The following KLHL12 variants were observed in gnomAD, a reference collection of about 807,000 sequenced individuals.
KLHL12 encodes kelch like family member 12, also known as kelch-like protein 12.
KLHL12 carries 17 observed loss-of-function variants against 60.8 expected under a neutral mutation model. The ratio of observed to expected loss-of-function variants is 0.28; its 90% CI spans 0.19 to 0.42. The LOEUF (loss-of-function observed/expected upper bound fraction) is 0.42, where lower values mean the gene tolerates loss of function less well. Ranked by LOEUF, KLHL12 falls within the 10% of genes least tolerant of loss-of-function variation. The pLI is 1.00. For missense variants in KLHL12, 468 were observed against 722.3 expected, an observed-to-expected ratio of 0.65 and a Z score of 4.04; for synonymous variants, 220 against 250.9, an observed-to-expected ratio of 0.88 and a Z score of 1.16.
rs1165536777 is a variant in KLHL12 at position 202,895,322 on chromosome 1, A to G, written c.1135+200T>C. On this transcript the variant is annotated intron_variant, in intron 8 of 11. Transcript: ENST00000367261. The surrounding 1 kb of genome is among the most constrained non-coding windows in gnomAD (Gnocchi z 4.2). ...GTGGGAGGATCGCTTGAGCTTGGGGAGGTTGAGGCTGCAGTGAGCCGTGAT... is the reference window on the plus strand; with the variant it reads ...GTGGGAGGATCGCTTGAGCTTGGGGGGGTTGAGGCTGCAGTGAGCCGTGAT... Among the ~76,000 whole-genome samples the G allele has an allele frequency of 1.3e-5, 2 of 151,974 alleles. No individual in the cohort carries two copies. Among genetic ancestry groups the G allele is most frequent in the Admixed American group, 1.3e-4 (2 of 15,258 alleles).
chr1:202,920,553 C>G (rs952288349), intron 2 of KLHL12, among the ~76,000 whole-genome samples: 1 of 150,578 alleles, frequency 6.6e-6, no homozygotes, highest in Non-Finnish European at 1.5e-5. Flanking sequence ...ATTTTTTGTA[C>G]TTTTAGTAGA....
At chr1:202,898,748 T>G (rs1659915982) in intron 6 of KLHL12, among the ~76,000 whole-genome samples, 1 of 152,000 alleles carries the variant, frequency 6.6e-6, no homozygotes, top group Non-Finnish European at 1.5e-5. Context: ...GGATGGAAAC[T>G]TTTGGATTAA....
rs748178773 is a variant in KLHL12, at chr1:202,919,861, G to C, written c.243C>G (p.Ala81=). ...KPYVDIQGLT[A]STMEILLDFV... is the part of the protein sequence containing the mutation. ...AGTCCAATAAAATTTCCATGGTAGA[G>C]GCAGTCAAACCTTGGATGTCAACAT... The change falls in exon 3 of 12, where the codon GCC becomes GCG. Residue 81 remains alanine (A), a synonymous_variant. Transcript: ENST00000367261. 6.2e-7 allele frequency: 1 copy of C among 1,613,782 alleles called. No individual in the cohort carries two copies. Among genetic ancestry groups the C allele is most frequent in the African/African-American group, 1.3e-5 (1 of 74,998 alleles).
At chr1:202,910,993 A>T (rs1297023228) in intron 5 of KLHL12, 61 bp downstream of exon 5, 4 of 1,573,542 alleles carry the variant, frequency 2.5e-6, no homozygotes, top group African/African-American at 1.3e-5. Context: ...AATTTTGAAT[A>T]CATAACACTA....
At chr1:202,905,968 C>CTTTTTTTTTTTTTTT (rs71142574) in intron 6 of KLHL12, among the ~76,000 whole-genome samples, 21 of 51,672 alleles carry the variant, frequency 4.1e-4, no homozygotes, top group Admixed American at 6.3e-4. Flanking sequence ...CCACACCTGG[C>CTTTTTTTTTTTTTTT]TTTTTTTTTT....
At chr1:202,894,043 A>C in intron 10 of KLHL12, 141 bp downstream of exon 10, 1 of 568,968 alleles carries the variant, frequency 1.8e-6, no homozygotes, top group Non-Finnish European at 3.2e-6. Flanking sequence ...TCTTTATCCT[A>C]GTATTTAGAG....
chr1:202,907,712 G>C, intron 6 of KLHL12, among the ~76,000 whole-genome samples: 1 of 150,504 alleles, frequency 6.6e-6, no homozygotes, highest in East Asian at 2.0e-4. Context: ...TCAAGACCCA[G>C]CCTGGGCAAC....
At chr1:202,922,933 A>G (rs1246456458) in intron 2 of KLHL12, among the ~76,000 whole-genome samples, 2 of 152,164 alleles carry the variant, frequency 1.3e-5, no homozygotes, top group Non-Finnish European at 1.5e-5. Context: ...ATCAGATGAC[A>G]TTTGAGGAGC....
chr1:202,897,876 C>A (rs528539548), intron 6 of KLHL12, among the ~76,000 whole-genome samples: 1 of 151,730 alleles, frequency 6.6e-6, no homozygotes, highest in East Asian at 2.0e-4. Flanking sequence ...GGCCTAAAAT[C>A]TCTTTTCCAT....
chr1:202,892,504 A>C lies in KLHL12; in HGVS notation c.*29T>G. ...CCACTAACTGTCCACTGGACTGGTC[A>C]CTAGCTCTGGATGGTGCTCCAACAA... On this transcript the variant is annotated 3_prime_UTR_variant, in exon 12 of 12. Coordinates refer to ENST00000367261, the MANE Select transcript of KLHL12 (RefSeq NM_021633.4). 6.2e-7 allele frequency: 1 copy of C among 1,610,388 alleles called. No individual in the cohort carries two copies. Among genetic ancestry groups the C allele is most frequent in the South Asian group, 1.1e-5 (1 of 90,978 alleles).
At chr1:202,920,903 GA>G (rs2102455686) in intron 2 of KLHL12, among the ~76,000 whole-genome samples, 2 of 152,306 alleles carry the variant, frequency 1.3e-5, no homozygotes, top group African/African-American at 4.8e-5. Context: ...GAACTTTTAA[GA>G]TAAGACACAA....
intron 6 of KLHL12, among the ~76,000 whole-genome samples, chr1:202,902,416 C>T (rs1482036775): frequency 6.6e-6 from 1 of 150,956 alleles, no homozygotes; most frequent in Admixed American, 6.6e-5. Context: ...GGTAACAGAG[C>T]GAGACTCCGT....
intron 2 of KLHL12, 151 bp from the exon 3 acceptor site, chr1:202,920,059 A>C: frequency 1.4e-6 from 1 of 697,824 alleles, no homozygotes; most frequent in African/African-American, 1.8e-5. Context: ...CATGCCTGTA[A>C]TCCCAGCACT....
At chr1:202,920,369 A>AGTTTTT (rs1660650217) in intron 2 of KLHL12, among the ~76,000 whole-genome samples, 2 of 83,806 alleles carry the variant, frequency 2.4e-5, no homozygotes, top group Non-Finnish European at 4.2e-5. Context: ...ATTTTGTTGG[A>AGTTTTT]TTTTTTTTTT....
chr1:202,893,509 T>C lies in KLHL12; in HGVS notation c.1394-84A>G, dbSNP rs1441399069. 1 of 1,196,868 alleles carries C rather than the reference T, an allele frequency of 8.4e-7. No homozygotes were observed. The allele number at this position is 1,196,868 out of a possible 1,614,324, so 74.1% of individuals were successfully genotyped here. ...GAAATAAACTACGGTCACTAATGACTAGCTGAGTTCTACAGTAGATGAGGG... is the reference window on the plus strand; with the variant it reads ...GAAATAAACTACGGTCACTAATGACCAGCTGAGTTCTACAGTAGATGAGGG... On this transcript the variant is annotated intron_variant, in intron 10 of 11. Transcript: ENST00000367261. This position sits in a 1 kb window ranked among gnomAD's most constrained non-coding sequence, Gnocchi z 4.1.
chr1:202,906,977 A>G (rs1660213577), intron 6 of KLHL12, among the ~76,000 whole-genome samples: 1 of 152,036 alleles, frequency 6.6e-6, no homozygotes, highest in Non-Finnish European at 1.5e-5. Flanking sequence ...CATATATTTT[A>G]CAAAAAAGAA....
intron 1 of KLHL12, 102 bp from the exon 2 acceptor site, chr1:202,925,309 A>C: frequency 1.5e-6 from 2 of 1,344,082 alleles, no homozygotes; most frequent in Non-Finnish European, 2.0e-6. Context: ...GCTTCCTCAG[A>C]CCCAAACATA....
chr1:202,925,312 C>T (rs952901257), intron 1 of KLHL12, 105 bp from the exon 2 acceptor site: 32 of 1,318,526 alleles, frequency 2.4e-5, no homozygotes, highest in Admixed American at 1.1e-4. Context: ...TCCTCAGACC[C>T]AAACATACAC....
intron 6 of KLHL12, among the ~76,000 whole-genome samples, chr1:202,907,313 G>A (rs1293730721): frequency 6.6e-6 from 1 of 152,078 alleles, no homozygotes; most frequent in Non-Finnish European, 1.5e-5. Flanking sequence ...AAAAATATAG[G>A]AGAGGGAGCC....
Sources: allele counts gnomAD v4.1 joint callset (sites outside exome capture counted in the v4.1 genomes callset), GRCh38; gene constraint gnomAD v4.1.1; non-coding constraint Gnocchi (gnomAD v3.1); transcripts MANE v1.5; gene names NCBI Gene and HGNC (gene_info 2026-07-23, HGNC 2026-07-21).